PRR16: variants seen among roughly 807,000 people sequenced by gnomAD.
The protein encoded by PRR16 is proline rich 16.
In PRR16, 6 loss-of-function variants were observed where a neutral mutation model predicts 18.2. That is an observed-to-expected ratio of 0.33 (90% CI 0.18 to 0.65). The LOEUF is 0.65. PRR16 is among the 30% of genes least tolerant of loss of function. PRR16 has a pLI of 0.74. For missense variants in PRR16, 412 were observed against 376.6 expected (o/e 1.09, Z -0.78); for synonymous variants, 151 against 147.8 (o/e 1.02, Z -0.16).
the PRR16 span, among the ~76,000 whole-genome samples, chr5:120,745,545 T>TA: frequency 6.6e-6 from 1 of 150,840 alleles, no homozygotes; most frequent in South Asian, 2.1e-4. Context: ...TGTGGAATAT[T>TA]AAAACAAAAA....
Position 120,686,000 on chromosome 5 carries a change from A to G in PRR16, c.206A>G (p.Asp69Gly). 6.2e-7 allele frequency: 1 copy of G among 1,614,060 alleles called. No individual in the cohort carries two copies. The highest frequency in any genetic ancestry group is 8.5e-7 in the Non-Finnish European group (1 of 1,179,950). Residue 69 changes from aspartate to glycine, a missense_variant, in exon 2 of 2, where the codon GAT becomes GGT. Physicochemically the swap from Asp to Gly is moderately conservative, Grantham distance 94 (BLOSUM62 -1). Transcript: ENST00000407149. ...DTLTSDLQLE[D>G]EMTDSSKTDT... ...CTGACCTCTGACCTACAGCTGGAGGATGAGATGACTGACAGCTCCAAAACG... is the reference window on the plus strand; with the variant it reads ...CTGACCTCTGACCTACAGCTGGAGGGTGAGATGACTGACAGCTCCAAAACG...
At chr5:120,479,868 A>G (rs1458206282) in intron 1 of PRR16, among the ~76,000 whole-genome samples, 1 of 152,158 alleles carries the variant, frequency 6.6e-6, no homozygotes, top group African/African-American at 2.4e-5. Flanking sequence ...CTACTAGTTC[A>G]GTTAGTCATC....
At chr5:120,775,788 G>C in the PRR16 span, among the ~76,000 whole-genome samples, 1 of 141,458 alleles carries the variant, frequency 7.1e-6, no homozygotes, top group Admixed American at 7.2e-5. Context: ...CTGCTGCTAC[G>C]CCTGGCTATT....
At chr5:120,775,338 C>T in the PRR16 span, among the ~76,000 whole-genome samples, 1 of 152,092 alleles carries the variant, frequency 6.6e-6, no homozygotes, top group African/African-American at 2.4e-5. Context: ...CAGTCCAAGT[C>T]ACTAGACCAG....
the PRR16 span, among the ~76,000 whole-genome samples, chr5:120,780,301 A>G: frequency 6.6e-6 from 1 of 152,202 alleles, no homozygotes; most frequent in Non-Finnish European, 1.5e-5. Flanking sequence ...AATTGCACAT[A>G]AAATAAATGA....
At chr5:120,771,428 G>A in the PRR16 span, among the ~76,000 whole-genome samples, 1 of 152,070 alleles carries the variant, frequency 6.6e-6, no homozygotes. Flanking sequence ...CACAAAAGCA[G>A]ATGTCTTGAT....
intron 1 of PRR16, among the ~76,000 whole-genome samples, chr5:120,677,856 C>A (rs986872278): frequency 1.3e-5 from 2 of 150,316 alleles, no homozygotes; most frequent in East Asian, 3.9e-4. Flanking sequence ...TATACTTAAA[C>A]TCTCTTAGTT....
intron 1 of PRR16, among the ~76,000 whole-genome samples, chr5:120,653,299 TAAAA>T (rs531294030): frequency 8.2e-4 from 117 of 142,502 alleles, no homozygotes; most frequent in Non-Finnish European, 1.6e-3. Flanking sequence ...TCAATAAAAG[TAAAA>T]AAAAAAAGTA....
At chr5:120,613,135 C>T (rs1754387504) in intron 1 of PRR16, among the ~76,000 whole-genome samples, 1 of 152,072 alleles carries the variant, frequency 6.6e-6, no homozygotes, top group East Asian at 1.9e-4. Flanking sequence ...CATGAGTTTA[C>T]ACATGGAACA....
chr5:120,498,105 T>G (rs1750321265), intron 1 of PRR16, among the ~76,000 whole-genome samples: 1 of 151,278 alleles, frequency 6.6e-6, no homozygotes, highest in Admixed American at 6.6e-5. Flanking sequence ...ATTCCTTCTC[T>G]CTGTTTTCTT....
At chr5:120,594,064 T>C (rs775476096) in intron 1 of PRR16, among the ~76,000 whole-genome samples, 1 of 152,100 alleles carries the variant, frequency 6.6e-6, no homozygotes, top group African/African-American at 2.4e-5. Flanking sequence ...GAGCAAAAGC[T>C]AGAAGCATTC....
chr5:120,672,257 TGTG>T (rs1405912625), intron 1 of PRR16, among the ~76,000 whole-genome samples: 35 of 151,134 alleles, frequency 2.3e-4, no homozygotes, highest in African/African-American at 8.5e-4. Context: ...TGTGTGTGTG[TGTG>T]TGTGTGTGTG....
intron 1 of PRR16, among the ~76,000 whole-genome samples, chr5:120,628,731 TA>T (rs1754957613): frequency 6.6e-6 from 1 of 150,886 alleles, no homozygotes; most frequent in Non-Finnish European, 1.5e-5. Context: ...TCTATCTATC[TA>T]TCTATCTATC....
chr5:120,775,252 C>G, the PRR16 span, among the ~76,000 whole-genome samples: 2 of 152,106 alleles, frequency 1.3e-5, no homozygotes, highest in Non-Finnish European at 2.9e-5. Flanking sequence ...ATAGCATATA[C>G]TATACAGTTA....
intron 1 of PRR16, among the ~76,000 whole-genome samples, chr5:120,625,537 T>C (rs1400687165): frequency 6.6e-6 from 1 of 152,096 alleles, no homozygotes; most frequent in Non-Finnish European, 1.5e-5. Context: ...AGGTTCTCAC[T>C]ATATTGTCCA....
At chr5:120,763,386 G>T in the PRR16 span, among the ~76,000 whole-genome samples, 2 of 151,980 alleles carry the variant, frequency 1.3e-5, no homozygotes, top group African/African-American at 2.4e-5. Flanking sequence ...AGCCTGCCTT[G>T]GACTCCCAAA....
the PRR16 span, among the ~76,000 whole-genome samples, chr5:120,724,215 T>A: frequency 4.0e-3 from 612 of 152,240 alleles, 7 homozygotes; most frequent in African/African-American, 0.014. Context: ...GCATGAAATT[T>A]ATTAATTAAT....
chr5:120,589,791 G>A (rs758393603), intron 1 of PRR16, among the ~76,000 whole-genome samples: 6 of 152,188 alleles, frequency 3.9e-5, no homozygotes, highest in East Asian at 1.9e-4. Flanking sequence ...CCTGCAACAC[G>A]TAGGAATTAT....
At chr5:120,733,178 T>G in the PRR16 span, among the ~76,000 whole-genome samples, 1 of 152,086 alleles carries the variant, frequency 6.6e-6, no homozygotes, top group Non-Finnish European at 1.5e-5. Flanking sequence ...CAGAGTCTTG[T>G]TCTGTCACCC....
Sources: gnomAD v4.1 joint callset for allele counts (sites outside exome capture counted in the v4.1 genomes callset) on GRCh38, gnomAD v4.1.1 for gene constraint, MANE v1.5 for transcripts, NCBI Gene and HGNC (gene_info 2026-07-23, HGNC 2026-07-21) for gene names.